Variants in TUT4 observed in about 807,000 individuals in gnomAD.
TUT4 encodes the protein terminal uridylyltransferase 4.
A neutral mutation model predicts 192.2 loss-of-function variants in TUT4; 36 were observed. The ratio of observed to expected loss-of-function variants is 0.19; its 90% CI spans 0.14 to 0.25. TUT4 has a LOEUF of 0.25. TUT4 is among the 10% of genes least tolerant of loss of function. TUT4 has a pLI of 1.00. For missense variants in TUT4, 1,493 were observed against 1,957.2 expected (o/e 0.76, Z 4.47); for synonymous variants, 618 against 666.0 (o/e 0.93, Z 1.11).
chr1:52,497,283 A>T, intron 4 of TUT4, 100 bp from the exon 5 acceptor site: 2 of 1,206,106 alleles, frequency 1.7e-6, no homozygotes, highest in Non-Finnish European at 2.3e-6. Context: ...TAACTCAACA[A>T]AAATATTCAC....
intron 27 of TUT4, chr1:52,433,167 C>T (rs1424015583): frequency 2.6e-5 from 4 of 152,026 alleles, no homozygotes; most frequent in African/African-American, 4.8e-5. Flanking sequence ...CTCCTGGGTT[C>T]GAGTGATTCT....
chr1:52,516,028 T>G lies in TUT4; in HGVS notation c.745A>C (p.Lys249Gln). The G allele has an allele frequency of 6.2e-7, 1 of 1,613,386 alleles. No homozygotes were observed. The highest frequency in any genetic ancestry group is 8.5e-7 in the Non-Finnish European group (1 of 1,179,630). ...LSKMKNDESN[K>Q]ENSSEMDYLE... ...TAGTCCATCTCTGAAGAATTTTCTT[T>G]ATTAGATTCATCATTCTTCATTTTA... The change falls in exon 3 of 30, where the codon AAA becomes CAA. Residue 249 changes from lysine to glutamine, a missense_variant. Around this residue, in one of 7 missense-constraint regions of TUT4, gnomAD observed 437 missense variants for 577.6 expected, o/e 0.76. Coordinates refer to ENST00000257177, the MANE Select transcript of TUT4 (RefSeq NM_001009881.3).
chr1:52,515,027 C>G (rs1421088485), intron 3 of TUT4: 2 of 152,172 alleles, frequency 1.3e-5, no homozygotes, highest in African/African-American at 4.8e-5. Context: ...ACCTGCCCAC[C>G]TCGGCTTCCC....
At chr1:52,445,300 T>C (rs1307197819) in intron 24 of TUT4, among the ~76,000 whole-genome samples, 17 of 152,134 alleles carry the variant, frequency 1.1e-4, no homozygotes, top group Admixed American at 1.1e-3. Flanking sequence ...CTAATTCAGC[T>C]TACTAAAGCT....
chr1:52,450,977 G>A (rs760073836), intron 20 of TUT4, among the ~76,000 whole-genome samples: 14 of 152,072 alleles, frequency 9.2e-5, no homozygotes, highest in Non-Finnish European at 1.9e-4. Flanking sequence ...TAATAATACA[G>A]AGAGTAGGCT....
At chr1:52,507,531 A>G (rs1675936030) in intron 4 of TUT4, among the ~76,000 whole-genome samples, 1 of 152,096 alleles carries the variant, frequency 6.6e-6, no homozygotes, top group African/African-American at 2.4e-5. Context: ...ACTTCACCAA[A>G]AGTATACGTC....
intron 24 of TUT4, among the ~76,000 whole-genome samples, chr1:52,439,717 C>T (rs770505403): frequency 2.6e-5 from 4 of 152,054 alleles, no homozygotes; most frequent in Non-Finnish European, 4.4e-5. Flanking sequence ...GAAAACAGTT[C>T]CTTGAAAAGT....
Position 52,525,791 on chromosome 1 carries a change from G to A in TUT4, c.490C>T (p.Pro164Ser). 1 of 1,614,114 alleles carries A rather than the reference G, an allele frequency of 6.2e-7. No individual in the cohort carries two copies. Among genetic ancestry groups the A allele is most frequent in the African/African-American group, 1.3e-5 (1 of 75,030 alleles). ...CTCATGTCTTTCAACAGTAAACTGGGTCCCTTTTCTGCTTCTGCTGGTGAA... is the reference window on the plus strand; with the variant it reads ...CTCATGTCTTTCAACAGTAAACTGGATCCCTTTTCTGCTTCTGCTGGTGAA... ...PSSPAEAEKG[P>S]SLLLKDMRQK... Residue 164 changes from proline (P) to serine (S), a missense_variant, in exon 2 of 30, where the codon CCC becomes TCC. This residue lies in a region of TUT4 where 260 missense variants were observed against 247.8 expected (regional missense o/e 1.05). Coordinates refer to ENST00000257177, the MANE Select transcript of TUT4 (RefSeq NM_001009881.3).
At chr1:52,455,389 C>A (rs919212801) in intron 20 of TUT4, among the ~76,000 whole-genome samples, 3 of 151,866 alleles carry the variant, frequency 2.0e-5, no homozygotes, top group African/African-American at 7.3e-5. Context: ...CCGAGGTGGG[C>A]TTGAGCCCAG....
chr1:52,506,179 A>T (rs1286559950), intron 4 of TUT4, among the ~76,000 whole-genome samples: 1 of 152,176 alleles, frequency 6.6e-6, no homozygotes, highest in Non-Finnish European at 1.5e-5. Context: ...CCACTTGATC[A>T]TGACACATTC....
At chr1:52,444,440 GA>G (rs1570333967) in intron 24 of TUT4, among the ~76,000 whole-genome samples, 2 of 151,918 alleles carry the variant, frequency 1.3e-5, no homozygotes, top group Admixed American at 6.6e-5. Context: ...CTACCCCCAA[GA>G]AATAAGACAC....
Position 52,451,759 on chromosome 1 carries a change from C to T in TUT4, c.3436-5092G>A, listed in dbSNP as rs1659492904. 2.0e-5 allele frequency among the ~76,000 whole-genome samples: 3 copies of T among 151,580 alleles called. No homozygotes were observed. The South Asian group carries it at 6.3e-4, about 32-fold the overall frequency. On this transcript the variant is annotated intron_variant, in intron 20 of 29. Transcript: ENST00000257177. ...TCCAGAGGCTGAGGAAGGAGAATTG[C>T]TTGAACCCAGGAGGCGGAGATTGCA...
At chr1:52,482,538 C>A (rs912212861) in intron 9 of TUT4, among the ~76,000 whole-genome samples, 1 of 152,146 alleles carries the variant, frequency 6.6e-6, no homozygotes, top group African/African-American at 2.4e-5. Flanking sequence ...CTCCCAGCCT[C>A]AAGTGATCCT....
At chr1:52,478,438 A>G (rs1410375041) in intron 11 of TUT4, among the ~76,000 whole-genome samples, 7 of 152,232 alleles carry the variant, frequency 4.6e-5, no homozygotes, top group Admixed American at 4.6e-4. Flanking sequence ...AAATAAAGAA[A>G]GCTCACACTT....
intron 16 of TUT4, chr1:52,463,314 C>T (rs1481387403): frequency 1.0e-6 from 1 of 990,662 alleles, no homozygotes; most frequent in East Asian, 1.1e-4. Flanking sequence ...AGCCACTTTC[C>T]AAGTAGGTGG....
chr1:52,457,481 G>A (rs1303475965), intron 20 of TUT4, among the ~76,000 whole-genome samples: 5 of 152,012 alleles, frequency 3.3e-5, no homozygotes, highest in African/African-American at 4.8e-5. Context: ...TGATCTGCCC[G>A]CCTCGGCCTC....
chr1:52,429,298 G>A (rs1172532296), intron 28 of TUT4, among the ~76,000 whole-genome samples: 1 of 151,486 alleles, frequency 6.6e-6, no homozygotes, highest in African/African-American at 2.4e-5. Context: ...TGTTAGCCAG[G>A]ATGTGCTTGA....
chr1:52,477,865 T>C lies in TUT4; in HGVS notation c.1866A>G (p.Glu622=). The C allele has an allele frequency of 1.9e-6, 3 of 1,608,176 alleles. No individual in the cohort carries two copies. Among genetic ancestry groups the C allele is most frequent in the Non-Finnish European group, 2.5e-6 (3 of 1,178,164 alleles). ...GTCCCAAGGATACCCGATTTGGTGTTTCCAATGCTAAAGGAGACTGGAAAA... is the reference window on the plus strand; with the variant it reads ...GTCCCAAGGATACCCGATTTGGTGTCTCCAATGCTAAAGGAGACTGGAAAA... ...EKHGKSPLAL[E]TPNRVSLGQL... Residue 622 remains glutamate, a synonymous_variant, in exon 12 of 30, where the codon GAA becomes GAG. Coordinates refer to ENST00000257177, the MANE Select transcript of TUT4 (RefSeq NM_001009881.3).
At chr1:52,460,843 C>T (rs113238671) in intron 19 of TUT4, 65 of 217,350 alleles carry the variant, frequency 3.0e-4, no homozygotes, top group African/African-American at 1.3e-3. Flanking sequence ...AAATTCTTAA[C>T]TAGGATGATA....
Sources: gnomAD v4.1 joint callset for allele counts (sites outside exome capture counted in the v4.1 genomes callset) on GRCh38, gnomAD v4.1.1 for gene constraint, gnomAD v4.1.1 regional missense constraint, MANE v1.5 for transcripts, NCBI Gene and HGNC (gene_info 2026-07-23, HGNC 2026-07-21) for gene names.